PLSCR2: variants seen among roughly 807,000 people sequenced by gnomAD.
The protein encoded by PLSCR2 is phospholipid scramblase 2.
Under a neutral mutation model 25.3 loss-of-function variants are expected in PLSCR2, and 18 were observed. The ratio of observed to expected loss-of-function variants is 0.71; its 90% CI spans 0.49 to 1.06. The LOEUF (loss-of-function observed/expected upper bound fraction) is 1.06, where lower values mean the gene tolerates loss of function less well. Among genes scored for constraint, PLSCR2 ranks in the 50% least tolerant of loss-of-function variants. PLSCR2 has a pLI of 0.00. For missense variants in PLSCR2, 243 were observed against 269.5 expected (o/e 0.90, Z 0.69); for synonymous variants, 88 against 87.3 (o/e 1.01, Z -0.04).
upstream of PLSCR2, chr3:146,462,056 T>C: frequency 1.7e-6 from 1 of 572,118 alleles, no homozygotes; most frequent in Non-Finnish European, 3.0e-6. Flanking sequence ...TGTTCATGGA[T>C]TGAAATAGTT....
chr3:146,490,451 A>G (rs975987868), intron 1 of PLSCR2, among the ~76,000 whole-genome samples: 2 of 152,118 alleles, frequency 1.3e-5, no homozygotes, highest in African/African-American at 4.8e-5. Context: ...TGAGATGTTG[A>G]AGACTCCCCC....
At chr3:146,429,637 T>A (rs573793256), downstream of PLSCR2, among the ~76,000 whole-genome samples, 50 of 148,406 alleles carry the variant, frequency 3.4e-4, no homozygotes, top group East Asian at 1.4e-3. Flanking sequence ...TTATTTATTT[T>A]TTTTTTGAGA....
downstream of PLSCR2, chr3:146,433,210 A>G (rs1362170979): frequency 1.3e-5 from 2 of 152,174 alleles, no homozygotes; most frequent in Admixed American, 6.5e-5. Flanking sequence ...GCACATCAGA[A>G]TGTTCTTTTT....
intron 5 of PLSCR2, among the ~76,000 whole-genome samples, chr3:146,450,755 T>C (rs1245838137): frequency 6.6e-6 from 1 of 152,150 alleles, no homozygotes; most frequent in African/African-American, 2.4e-5. Context: ...ATTTACAAAA[T>C]AAAAAATGCT....
At position 146,394,455 on chromosome 3, in the gene PLSCR2, G is replaced by A. The variant is rs183999038; in HGVS notation, c.*145+1305C>T. On this transcript the variant is annotated intron_variant and NMD_transcript_variant, in intron 3 of 3. Coordinates refer to the PLSCR2 transcript ENST00000463633. The stretch of plus-strand genomic sequence containing the variant: ...CTGATTTTGTATTTTTAGTAGAGAC[G>A]GGGTTTCTCCATGTTGGTCAAGCTG... Among the ~76,000 whole-genome samples the A allele has an allele frequency of 5.8e-3, 875 of 151,920 alleles. 4 individuals carry two copies. The highest frequency in any genetic ancestry group is 0.017 in the Middle Eastern group (5 of 294).
intron 1 of PLSCR2, among the ~76,000 whole-genome samples, chr3:146,487,931 A>G (rs1351310107): frequency 2.6e-5 from 4 of 152,194 alleles, no homozygotes; most frequent in Admixed American, 2.0e-4. Context: ...CTATTTTACA[A>G]GGCTATAGTA....
At chr3:146,461,423 CAG>C (rs898990531), upstream of PLSCR2, among the ~76,000 whole-genome samples, 1 of 151,990 alleles carries the variant, frequency 6.6e-6, no homozygotes, top group Non-Finnish European at 1.5e-5. Flanking sequence ...GTTGTGGAAT[CAG>C]GGGATACAGC....
At chr3:146,406,770 G>A (rs1297981790) in intron 2 of PLSCR2, among the ~76,000 whole-genome samples, 4 of 152,108 alleles carry the variant, frequency 2.6e-5, no homozygotes, top group Non-Finnish European at 5.9e-5. Context: ...GGATGATGGT[G>A]TGAGGTCTTT....
exon 1 of PLSCR2, chr3:146,460,260 T>C: frequency 7.4e-7 from 1 of 1,357,590 alleles, no homozygotes; most frequent in Non-Finnish European, 9.5e-7. Context: ...GGTTTCACAT[T>C]CACTTCTATT....
intron 3 of PLSCR2, among the ~76,000 whole-genome samples, chr3:146,392,639 CTTAAT>C (rs144027420): frequency 0.5 from 75,487 of 150,668 alleles, 19,479 homozygotes; most frequent in South Asian, 0.71. Flanking sequence ...CTATACTTTC[CTTAAT>C]TTATTATTTG....
At chr3:146,494,780 T>A (rs1373787342) in intron 1 of PLSCR2, 1 of 152,210 alleles carries the variant, frequency 6.6e-6, no homozygotes, top group Non-Finnish European at 1.5e-5. Flanking sequence ...AATATGATTT[T>A]GCATTATGCT....
At chr3:146,483,652 C>T (rs2043240102) in intron 1 of PLSCR2, among the ~76,000 whole-genome samples, 1 of 150,844 alleles carries the variant, frequency 6.6e-6, no homozygotes, top group South Asian at 2.1e-4. Context: ...GTGAATAGGG[C>T]CTGAAGTAAA....
chr3:146,478,125 C>T (rs533316955), intron 1 of PLSCR2, among the ~76,000 whole-genome samples: 39 of 152,040 alleles, frequency 2.6e-4, no homozygotes, highest in South Asian at 1.0e-3. Flanking sequence ...CAAAGACCAA[C>T]GCAAAGATAG....
intron 3 of PLSCR2, among the ~76,000 whole-genome samples, chr3:146,392,030 T>G (rs2038099000): frequency 6.6e-6 from 1 of 152,174 alleles, no homozygotes; most frequent in Non-Finnish European, 1.5e-5. Context: ...TGAGTATTTG[T>G]GTCATTAAAG....
chr3:146,440,212 C>T (rs548743228), downstream of PLSCR2, among the ~76,000 whole-genome samples: 28 of 152,266 alleles, frequency 1.8e-4, no homozygotes, highest in South Asian at 1.7e-3. Flanking sequence ...AGTTGGGCTA[C>T]GCAGGGGTCA....
chr3:146,412,335 G>T (rs1418970258), intron 2 of PLSCR2, among the ~76,000 whole-genome samples: 1 of 152,118 alleles, frequency 6.6e-6, no homozygotes, highest in Non-Finnish European at 1.5e-5. Context: ...CCTGTGACAA[G>T]TCTCTCCCTG....
At chr3:146,474,323 G>C (rs1335353195) in intron 1 of PLSCR2, among the ~76,000 whole-genome samples, 2 of 152,130 alleles carry the variant, frequency 1.3e-5, no homozygotes, top group Non-Finnish European at 2.9e-5. Context: ...GATTTCCACG[G>C]CACCAAGGGG....
At chr3:146,470,438 G>A (rs2042072961) in intron 1 of PLSCR2, among the ~76,000 whole-genome samples, 1 of 152,026 alleles carries the variant, frequency 6.6e-6, no homozygotes, top group African/African-American at 2.4e-5. Context: ...CCATCTACTG[G>A]GGAGGCTGAG....
intron 1 of PLSCR2, among the ~76,000 whole-genome samples, chr3:146,473,714 A>C (rs541754599): frequency 3.9e-5 from 6 of 152,310 alleles, no homozygotes; most frequent in Admixed American, 2.0e-4. Flanking sequence ...AGTGGTTTTC[A>C]AATTTTAGTA....
Sources: gnomAD v4.1 joint callset for allele counts (sites outside exome capture counted in the v4.1 genomes callset) on GRCh38, gnomAD v4.1.1 for gene constraint, MANE v1.5 for transcripts, NCBI Gene and HGNC (gene_info 2026-07-23, HGNC 2026-07-21) for gene names.